Variants in ESYT2 observed in about 807,000 individuals in gnomAD.
ESYT2 encodes the protein extended synaptotagmin-2.
A neutral mutation model predicts 107.2 loss-of-function variants in ESYT2; 54 were observed. The ratio of observed to expected loss-of-function variants is 0.50; its 90% confidence interval spans 0.40 to 0.63. The LOEUF is 0.63. Among genes scored for constraint, ESYT2 ranks in the 30% least tolerant of loss-of-function variants. ESYT2 has a pLI of 0.00. For synonymous variants in ESYT2, 491 were observed against 434.1 expected, an observed-to-expected ratio of 1.13 and a Z score of -1.63; for missense variants, 1,020 against 1,094.5, an observed-to-expected ratio of 0.93 and a Z score of 0.96.
intron 1 of ESYT2, among the ~76,000 whole-genome samples, chr7:158,817,306 C>T (rs1354577045): frequency 6.6e-6 from 1 of 152,210 alleles, no homozygotes; most frequent in African/African-American, 2.4e-5. Flanking sequence ...CTGAAGCCTG[C>T]TACCTGGAGG....
chr7:158,806,936 C>A (rs1336274817), intron 1 of ESYT2, among the ~76,000 whole-genome samples: 4 of 152,100 alleles, frequency 2.6e-5, no homozygotes, highest in Non-Finnish European at 4.4e-5. Flanking sequence ...GCAATTGTAG[C>A]ACTGAATTAA....
chr7:158,756,662 A>G (rs1045292627), intron 13 of ESYT2, among the ~76,000 whole-genome samples: 6 of 152,148 alleles, frequency 3.9e-5, no homozygotes, highest in Non-Finnish European at 2.9e-5. Context: ...TAATCCCAGC[A>G]CTTTGGGAGG....
intron 4 of ESYT2, among the ~76,000 whole-genome samples, chr7:158,792,141 T>C (rs1839311850): frequency 6.6e-6 from 1 of 151,888 alleles, no homozygotes; most frequent in African/African-American, 2.4e-5. Context: ...CCTGAATTTA[T>C]TTCTTAGTTC....
intron 13 of ESYT2, among the ~76,000 whole-genome samples, chr7:158,756,481 G>C (rs1266712307): frequency 1.3e-5 from 2 of 152,222 alleles, no homozygotes; most frequent in Admixed American, 1.3e-4. Flanking sequence ...AATCATGTAA[G>C]TGAAGGCAAA....
Position 158,778,732 on chromosome 7 carries a change from C to G in ESYT2, c.748-5336G>C, listed in dbSNP as rs1253450847. On this transcript the variant is annotated intron_variant, in intron 6 of 22. Transcript: ENST00000275418. ...TGCAATGCTCTTCCTCACCAAGATT[C>G]CGATCCACAGAGTACAAAACATGTT... is the stretch of plus-strand genomic sequence containing the variant. 2.6e-5 allele frequency among the ~76,000 whole-genome samples: 4 copies of G among 152,174 alleles called. No homozygotes were observed. The East Asian group carries it at 7.7e-4, about 29-fold the overall frequency.
Position 158,764,246 on chromosome 7 carries a change from G to A in ESYT2, c.1101+431C>T, listed in dbSNP as rs577773207. ...GGTAAACAGATGAAGGCGTCTATTCGATGGAATGGTTATTAAAAATCACGT... is the reference window on the plus strand; with the variant it reads ...GGTAAACAGATGAAGGCGTCTATTCAATGGAATGGTTATTAAAAATCACGT... On this transcript the variant is annotated intron_variant, in intron 9 of 22. Transcript: ENST00000275418. Among the ~76,000 whole-genome samples the A allele has an allele frequency of 1.1e-4, 16 of 152,202 alleles. 1 individual carries two copies. Among genetic ancestry groups the A allele is most frequent in the African/African-American group, 2.4e-4 (10 of 41,534 alleles).
intron 13 of ESYT2, among the ~76,000 whole-genome samples, chr7:158,753,505 C>T (rs1333558445): frequency 6.6e-6 from 1 of 151,986 alleles, no homozygotes; most frequent in Non-Finnish European, 1.5e-5. Flanking sequence ...AGTTGTTTTG[C>T]AAGCTCCTTC....
At chr7:158,747,455 A>G (rs1344580593) in intron 16 of ESYT2, among the ~76,000 whole-genome samples, 1 of 152,152 alleles carries the variant, frequency 6.6e-6, no homozygotes, top group African/African-American at 2.4e-5. Context: ...TAGACATTTC[A>G]CCATAGAAGA....
chr7:158,740,015 C>T (rs11761517), intron 18 of ESYT2, among the ~76,000 whole-genome samples: 52,165 of 152,162 alleles, frequency 0.34, 10,799 homozygotes, highest in Non-Finnish European at 0.46. Flanking sequence ...TAAACAAGCA[C>T]TGGCCTCGAG....
At chr7:158,760,627 C>T (rs551116388) in intron 11 of ESYT2, among the ~76,000 whole-genome samples, 100 of 152,288 alleles carry the variant, frequency 6.6e-4, no homozygotes, top group Non-Finnish European at 1.0e-3. Flanking sequence ...CACCAAATGG[C>T]CTTTAACGGA....
intron 1 of ESYT2, among the ~76,000 whole-genome samples, chr7:158,812,657 A>T (rs192988421): frequency 6.6e-6 from 1 of 152,242 alleles, no homozygotes; most frequent in Non-Finnish European, 1.5e-5. Context: ...TGTTCATCGC[A>T]GCACCATTCA....
intron 13 of ESYT2, among the ~76,000 whole-genome samples, chr7:158,758,530 A>G (rs1486324684): frequency 2.0e-5 from 3 of 152,236 alleles, no homozygotes; most frequent in African/African-American, 7.2e-5. Flanking sequence ...AGACACAGGA[A>G]GACGATTTAT....
chr7:158,769,560 G>C (rs984765275), intron 7 of ESYT2, among the ~76,000 whole-genome samples: 3 of 152,204 alleles, frequency 2.0e-5, no homozygotes, highest in African/African-American at 7.2e-5. Context: ...TTCCCTGTGT[G>C]TCCTTCGGAA....
intron 15 of ESYT2, among the ~76,000 whole-genome samples, chr7:158,748,708 T>A (rs1007463322): frequency 1.3e-5 from 2 of 152,110 alleles, no homozygotes; most frequent in Non-Finnish European, 2.9e-5. Context: ...TCTTTCTTTT[T>A]TTTTTTATTT....
intron 1 of ESYT2, among the ~76,000 whole-genome samples, chr7:158,821,585 T>C (rs1336204330): frequency 1.3e-5 from 2 of 152,194 alleles, no homozygotes; most frequent in African/African-American, 2.4e-5. Flanking sequence ...ATCCTGTAAA[T>C]CAGAACTGCC....
chr7:158,743,738 A>G (rs61362305), intron 16 of ESYT2, 60 bp from the exon 17 acceptor site: 262,381 of 1,511,932 alleles, frequency 0.17, 28,203 homozygotes, highest in East Asian at 0.55. Context: ...GAACCTTTCT[A>G]CGTTGTCTAC....
At chr7:158,759,928 T>C in intron 12 of ESYT2, 130 bp downstream of exon 12, 1 of 790,002 alleles carries the variant, frequency 1.3e-6, no homozygotes, top group Non-Finnish European at 2.1e-6. Flanking sequence ...CTGTAGTGAC[T>C]TATTACACAA....
chr7:158,783,698 C>G (rs1384516596), intron 6 of ESYT2, among the ~76,000 whole-genome samples: 1 of 152,180 alleles, frequency 6.6e-6, no homozygotes, highest in African/African-American at 2.4e-5. Context: ...CCAGCAAGAT[C>G]CTAATGAAAG....
At chr7:158,759,294 C>T (rs1189194) in intron 13 of ESYT2, among the ~76,000 whole-genome samples, 192 bp downstream of exon 13, 152,340 of 152,350 alleles carry the variant, frequency 1, 76,165 homozygotes, top group Middle Eastern at 1. Context: ...AATGTGTAAA[C>T]AGAAATGTAT....
Sources: gnomAD v4.1 joint callset for allele counts (sites outside exome capture counted in the v4.1 genomes callset) on GRCh38, gnomAD v4.1.1 for gene constraint, MANE v1.5 for transcripts, NCBI Gene and HGNC (gene_info 2026-07-23, HGNC 2026-07-21) for gene names.